The following RWDD2B variants were observed in gnomAD, a reference collection of about 807,000 sequenced individuals.
RWDD2B encodes the protein RWD domain containing 2B.
Under a neutral mutation model 33.6 loss-of-function variants are expected in RWDD2B, and 36 were observed. The ratio of observed to expected loss-of-function variants is 1.07; its 90% CI spans 0.82 to 1.42. The LOEUF is 1.42. Ranked by LOEUF, RWDD2B falls within the 40% of genes most tolerant of loss-of-function variation. The pLI is 0.00. For missense variants in RWDD2B, 364 were observed against 377.5 expected, an observed-to-expected ratio of 0.96 and a Z score of 0.30; for synonymous variants, 126 against 133.1, an observed-to-expected ratio of 0.95 and a Z score of 0.37.
rs2084821000 is a variant in RWDD2B at position 29,004,890 on chromosome 21, T to C, written c.*1527A>G. The C allele has an allele frequency of 6.6e-6, 1 of 152,234 alleles. No individual in the cohort carries two copies. The highest frequency in any genetic ancestry group is 2.1e-4 in the South Asian group (1 of 4,834). The allele number at this position is 152,234 out of a possible 1,614,324, so 9.4% of individuals were successfully genotyped here. ...ATATATGCTGTCTTTTACTAACTGA[T>C]TCATTTTGTGATAAGCATAGTTTGC... is the stretch of plus-strand genomic sequence containing the variant. On this transcript the variant is annotated 3_prime_UTR_variant, in exon 5 of 5. Transcript: ENST00000493196.
At chr21:29,015,779 C>T (rs1213114531) in intron 1 of RWDD2B, among the ~76,000 whole-genome samples, 2 of 152,198 alleles carry the variant, frequency 1.3e-5, no homozygotes, top group African/African-American at 2.4e-5. Flanking sequence ...GATCTACCTA[C>T]CCTGGCCTTC....
chr21:29,007,662 G>T, intron 4 of RWDD2B, 99 bp downstream of exon 4: 1 of 1,300,786 alleles, frequency 7.7e-7, no homozygotes, highest in Non-Finnish European at 1.1e-6. Flanking sequence ...TTTATGTGTT[G>T]TCCACTGTTG....
At position 29,014,770 on chromosome 21, in the gene RWDD2B, G is replaced by A. The variant is rs548564137; in HGVS notation, c.67+4441C>T. ...CAGGAGGCAGAGCTTTCAGTGAGCC[G>A]AGATACAGCCACTGCACTCCAGCCT... is the stretch of plus-strand genomic sequence containing the variant. On this transcript the variant is annotated intron_variant, in intron 1 of 4. Coordinates refer to ENST00000493196, the MANE Select transcript of RWDD2B (RefSeq NM_016940.3). 1.0e-3 allele frequency among the ~76,000 whole-genome samples: 154 copies of A among 152,264 alleles called. 1 individual carries two copies. Among genetic ancestry groups the A allele is most frequent in the Non-Finnish European group, 1.5e-3 (104 of 68,022 alleles).
chr21:29,006,388 T>C lies in RWDD2B; in HGVS notation c.*29A>G, dbSNP rs2084828470. On this transcript the variant is annotated 3_prime_UTR_variant, in exon 5 of 5. Coordinates refer to ENST00000493196, the MANE Select transcript of RWDD2B (RefSeq NM_016940.3). Reference sequence around the variant, plus strand: ...GAAAAAAAAATCAAAAGGCCAACAGTGGCAAGATACTTTCAACTACTCTTG... The same window carrying C: ...GAAAAAAAAATCAAAAGGCCAACAGCGGCAAGATACTTTCAACTACTCTTG... 6 of 1,402,776 alleles carry C rather than the reference T, an allele frequency of 4.3e-6. No homozygotes were observed. The highest frequency in any genetic ancestry group is 5.9e-6 in the Non-Finnish European group (6 of 1,017,442). 86.9% of individuals were successfully genotyped at this position (1,402,776 alleles called of 1,614,324 possible).
At chr21:29,014,270 C>T (rs144056310) in intron 1 of RWDD2B, among the ~76,000 whole-genome samples, 2 of 152,224 alleles carry the variant, frequency 1.3e-5, no homozygotes, top group African/African-American at 2.4e-5. Context: ...AACTAACCCA[C>T]TCCTGCAGTA....
rs541572458 is a variant in RWDD2B, at chr21:29,014,263, T to C, written c.67+4948A>G. ...ATCAGGAACCCACTCCCACAATAAC[T>C]AACCCACTCCTGCAGTAACACCATT... is the stretch of plus-strand genomic sequence containing the variant. On this transcript the variant is annotated intron_variant, in intron 1 of 4. Transcript: ENST00000493196. Among the ~76,000 whole-genome samples the C allele has an allele frequency of 2.3e-3, 346 of 152,322 alleles. 1 individual carries two copies. Among genetic ancestry groups the C allele is most frequent in the African/African-American group, 7.9e-3 (329 of 41,574 alleles).
intron 1 of RWDD2B, among the ~76,000 whole-genome samples, chr21:29,016,022 A>G (rs1270701457): frequency 1.3e-5 from 2 of 152,228 alleles, no homozygotes; most frequent in African/African-American, 4.8e-5. Flanking sequence ...TCCACAGAAC[A>G]GAGCAGGATT....
chr21:29,013,415 C>T (rs1418149146), intron 1 of RWDD2B, among the ~76,000 whole-genome samples: 4 of 152,082 alleles, frequency 2.6e-5, no homozygotes, highest in Non-Finnish European at 5.9e-5. Flanking sequence ...TTAGGCCTGG[C>T]GCGGTAGCTC....
intron 1 of RWDD2B, among the ~76,000 whole-genome samples, chr21:29,015,810 C>T (rs2084887456): frequency 6.6e-6 from 1 of 152,026 alleles, no homozygotes; most frequent in South Asian, 2.1e-4. Context: ...GGATTACAGG[C>T]GTGAGCCACC....
chr21:29,017,887 C>G (rs2084897897), intron 1 of RWDD2B, among the ~76,000 whole-genome samples: 1 of 152,164 alleles, frequency 6.6e-6, no homozygotes, highest in Non-Finnish European at 1.5e-5. Flanking sequence ...CTGGCCAGAG[C>G]ACAGTGAGCT....
intron 1 of RWDD2B, among the ~76,000 whole-genome samples, chr21:29,010,818 C>G (rs1307249045): frequency 6.7e-6 from 1 of 149,952 alleles, no homozygotes; most frequent in Non-Finnish European, 1.5e-5. Flanking sequence ...CAGGCGCGCG[C>G]CGCCACCCCT....
chr21:29,011,448 G>C (rs1205612051), intron 1 of RWDD2B, among the ~76,000 whole-genome samples: 1 of 151,104 alleles, frequency 6.6e-6, no homozygotes, highest in Admixed American at 6.6e-5. Flanking sequence ...CTGGGTCTGA[G>C]AAGTGAGGAG....
rs2084823053 is a variant in RWDD2B at position 29,005,300 on chromosome 21, G to C, written c.*1117C>G. The C allele has an allele frequency of 6.6e-6, 1 of 152,178 alleles. No individual in the cohort carries two copies. The highest frequency in any genetic ancestry group is 2.1e-4 in the South Asian group (1 of 4,838). 9.4% of individuals were successfully genotyped at this position (152,178 alleles called of 1,614,324 possible). On this transcript the variant is annotated 3_prime_UTR_variant, in exon 5 of 5. Transcript: ENST00000493196. ...AGGCAAGCCCAGGAGCAGGGGCAGA[G>C]CGTGAGTATACAAAAAGTGGGGAAC...
In RWDD2B at chr21:29,008,282, A is replaced by C; in HGVS notation, c.320T>G (p.Leu107Arg). 6.2e-7 allele frequency: 1 copy of C among 1,614,260 alleles called. No individual in the cohort carries two copies. The highest frequency in any genetic ancestry group is 1.1e-5 in the South Asian group (1 of 91,092). The change falls in exon 3 of 5, where the codon CTT becomes CGT. Residue 107 changes from leucine to arginine, a missense_variant. Leu to Arg is a moderately radical substitution (Grantham distance 102). Coordinates refer to ENST00000493196, the MANE Select transcript of RWDD2B (RefSeq NM_016940.3). ...KMAMFSLACI[L>R]PFKYPAVLPE... is the part of the protein sequence containing the mutation. ...CAGAACTGCCGGGTATTTAAAGGGA[A>C]GAATACAGGCCAGAGAAAACATCGC...
Position 29,012,644 on chromosome 21 carries a change from G to A in RWDD2B, c.68-4023C>T, listed in dbSNP as rs28528358. Among the ~76,000 whole-genome samples the A allele has an allele frequency of 9.3e-3, 1,407 of 151,810 alleles. 18 individuals are homozygous for A. The highest frequency in any genetic ancestry group is 0.031 in the African/African-American group (1,268 of 41,322). On this transcript the variant is annotated intron_variant, in intron 1 of 4. Coordinates refer to ENST00000493196, the MANE Select transcript of RWDD2B (RefSeq NM_016940.3). Reference sequence around the variant, plus strand: ...AGGGACACAAACACTGCGGAAGGCCGCAGGGTCCTCTGCCTAGGAAAACCA... The same window carrying A: ...AGGGACACAAACACTGCGGAAGGCCACAGGGTCCTCTGCCTAGGAAAACCA...
chr21:29,017,484 C>T (rs1311847451), intron 1 of RWDD2B, among the ~76,000 whole-genome samples: 1 of 151,856 alleles, frequency 6.6e-6, no homozygotes, highest in Non-Finnish European at 1.5e-5. Context: ...TGGTCGCCCA[C>T]GCCTGTAGTC....
chr21:29,014,154 T>C (rs1006067142), intron 1 of RWDD2B, among the ~76,000 whole-genome samples: 3 of 152,182 alleles, frequency 2.0e-5, no homozygotes, highest in African/African-American at 7.2e-5. Context: ...GCATTCTTAC[T>C]GAGTCATCCC....
Position 29,007,948 on chromosome 21 carries a change from C to G in RWDD2B, c.538G>C (p.Val180Leu), listed in dbSNP as rs752131366. The change falls in exon 4 of 5, where the codon GTC becomes CTC. Residue 180 changes from valine to leucine, a missense_variant. Transcript: ENST00000493196. ...TSSSPTTGST[V>L]QSVDLIFTRL... The stretch of plus-strand genomic sequence containing the variant: ...GTGAAGATGAGGTCAACTGACTGGA[C>G]TGTGCTTCCTGTGGTGGGTGAAGAT... 6.2e-7 allele frequency: 1 copy of G among 1,614,238 alleles called. No homozygotes were observed. Among genetic ancestry groups the G allele is most frequent in the Non-Finnish European group, 8.5e-7 (1 of 1,180,048 alleles).
rs2084855253 is a variant in RWDD2B at position 29,011,006 on chromosome 21, C to T, written c.68-2385G>A. Among the ~76,000 whole-genome samples the T allele has an allele frequency of 1.3e-5, 2 of 152,162 alleles. 1 individual carries two copies. Among genetic ancestry groups the T allele is most frequent in the Non-Finnish European group, 2.9e-5 (2 of 68,006 alleles). On this transcript the variant is annotated intron_variant, in intron 1 of 4. Transcript: ENST00000493196. ...CCAGGCTGGAGTGCAGTGGCGTGAT[C>T]TCGGCTCGCTACAACCTCCACCTCC...
Sources: gnomAD v4.1 joint callset for allele counts (sites outside exome capture counted in the v4.1 genomes callset) on GRCh38, gnomAD v4.1.1 for gene constraint, MANE v1.5 for transcripts, NCBI Gene and HGNC (gene_info 2026-07-23, HGNC 2026-07-21) for gene names.